Variants in CCNJL observed in about 807,000 individuals in gnomAD.
CCNJL encodes the protein cyclin J like.
Under a neutral mutation model 33.4 loss-of-function variants are expected in CCNJL, and 33 were observed. The ratio of observed to expected loss-of-function variants is 0.99; its 90% CI spans 0.75 to 1.32. The LOEUF is 1.32. Among genes scored for constraint, CCNJL ranks in the 40% most tolerant of loss-of-function variants. The pLI is 0.00. For missense variants in CCNJL, 512 were observed against 499.7 expected (o/e 1.02, Z -0.23); for synonymous variants, 227 against 220.9 (o/e 1.03, Z -0.24).
intron 3 of CCNJL, among the ~76,000 whole-genome samples, chr5:160,272,743 G>A (rs1761881324): frequency 6.6e-6 from 1 of 152,178 alleles, no homozygotes; most frequent in Admixed American, 6.5e-5. Context: ...ATCAGCTGTT[G>A]GTTGAGTTAA....
chr5:160,326,509 A>AAAT (rs1763538207), intron 1 of CCNJL, among the ~76,000 whole-genome samples: 3 of 149,060 alleles, frequency 2.0e-5, no homozygotes, highest in Non-Finnish European at 4.4e-5. Flanking sequence ...AAAAAAAAAA[A>AAAT]GCCATTATGC....
At chr5:160,321,014 CTTTCTTTCTTTCTTTCTTTCTTTCTT>C (rs1413768303) in intron 1 of CCNJL, among the ~76,000 whole-genome samples, 669 of 35,950 alleles carry the variant, frequency 0.019, 12 homozygotes, top group East Asian at 0.045. Flanking sequence ...CTCTCTCTCT[CTTTCTTTCTTTCTTTCTTTCTTTCTT>C]TCTTTCTTTC....
At position 160,253,187 on chromosome 5, in the gene CCNJL, T is replaced by C; in HGVS notation, c.*191A>G. 6.0e-6 allele frequency: 3 copies of C among 499,620 alleles called. No homozygotes were observed. Among genetic ancestry groups the C allele is most frequent in the Non-Finnish European group, 1.0e-5 (3 of 292,020 alleles). The allele number at this position is 499,620 out of a possible 1,614,324, so 30.9% of individuals were successfully genotyped here. A position where few individuals can be genotyped will look rare whatever the true frequency, so the allele number is the denominator to read the frequency against. ...ACGTGGCAGACGTTTCTCAGAGGAA[T>C]GCTCTCGGGTGAGGTATGTTATTGA... On this transcript the variant is annotated 3_prime_UTR_variant, in exon 6 of 6. Transcript: ENST00000257536.
At chr5:160,320,137 A>G (rs1188337926) in intron 1 of CCNJL, among the ~76,000 whole-genome samples, 2 of 151,936 alleles carry the variant, frequency 1.3e-5, no homozygotes, top group Non-Finnish European at 2.9e-5. Flanking sequence ...TGAGAAAACT[A>G]CTCTTTCCTT....
intron 2 of CCNJL, among the ~76,000 whole-genome samples, chr5:160,311,219 C>G (rs1763250163): frequency 6.6e-6 from 1 of 152,124 alleles, no homozygotes; most frequent in Non-Finnish European, 1.5e-5. Flanking sequence ...CCACAGGAGG[C>G]AAACCGGCAG....
intron 3 of CCNJL, among the ~76,000 whole-genome samples, chr5:160,276,860 T>A (rs1004701175): frequency 3.9e-5 from 6 of 152,154 alleles, no homozygotes. Context: ...CTCAGCTCAC[T>A]GTAACCTCTG....
chr5:160,310,212 C>T (rs1763218181), intron 2 of CCNJL, among the ~76,000 whole-genome samples: 1 of 152,168 alleles, frequency 6.6e-6, no homozygotes, highest in Non-Finnish European at 1.5e-5. Flanking sequence ...TCAGCCACCT[C>T]CTCCAGAAAA....
intron 2 of CCNJL, among the ~76,000 whole-genome samples, chr5:160,283,008 T>TATAC (rs1554120707): frequency 3.9e-3 from 207 of 52,540 alleles, no homozygotes; most frequent in African/African-American, 0.015. Context: ...TATATATATA[T>TATAC]ACATATATAT....
At chr5:160,258,365 T>C (rs1262668503) in intron 4 of CCNJL, 4 of 773,238 alleles carry the variant, frequency 5.2e-6, no homozygotes, top group African/African-American at 1.7e-5. Context: ...GATGATACAA[T>C]ATATGAGAAT....
intron 2 of CCNJL, among the ~76,000 whole-genome samples, chr5:160,310,384 G>A (rs910183005): frequency 1.2e-4 from 18 of 152,150 alleles, no homozygotes; most frequent in Admixed American, 9.2e-4. Flanking sequence ...GCCAAGCAAC[G>A]CAGGACAAAG....
intron 5 of CCNJL, 142 bp downstream of exon 5, chr5:160,255,407 T>C (rs1217160275): frequency 2.7e-5 from 18 of 678,160 alleles, no homozygotes; most frequent in Non-Finnish European, 3.8e-5. Context: ...GGAGTCACCA[T>C]GGCCCACTTT....
intron 2 of CCNJL, among the ~76,000 whole-genome samples, chr5:160,286,518 G>C (rs1290379088): frequency 6.6e-6 from 1 of 152,116 alleles, no homozygotes; most frequent in East Asian, 1.9e-4. Context: ...CACACCTGTG[G>C]TCCCAGTTAC....
chr5:160,274,396 T>A (rs1327981573), intron 3 of CCNJL, among the ~76,000 whole-genome samples: 1 of 151,534 alleles, frequency 6.6e-6, no homozygotes, highest in East Asian at 1.9e-4. Context: ...GAGGCAGAGG[T>A]TGCAATGAGC....
At chr5:160,338,730 A>G (rs2113487969) in intron 1 of CCNJL, among the ~76,000 whole-genome samples, 1 of 152,310 alleles carries the variant, frequency 6.6e-6, no homozygotes, top group Middle Eastern at 3.4e-3. Flanking sequence ...CACTTACCAT[A>G]GGGCCTGGCA....
chr5:160,283,451 C>T (rs1255864611), intron 2 of CCNJL, among the ~76,000 whole-genome samples: 5 of 152,146 alleles, frequency 3.3e-5, no homozygotes, highest in Non-Finnish European at 5.9e-5. Flanking sequence ...TGTGAATACA[C>T]AAACAACTAA....
chr5:160,261,766 G>T (rs1320462344), intron 3 of CCNJL, among the ~76,000 whole-genome samples: 1 of 152,128 alleles, frequency 6.6e-6, no homozygotes, highest in African/African-American at 2.4e-5. Context: ...GATATTAAAC[G>T]GACTTCCTAC....
intron 2 of CCNJL, among the ~76,000 whole-genome samples, chr5:160,283,588 T>A (rs1762312799): frequency 6.6e-6 from 1 of 152,160 alleles, no homozygotes; most frequent in East Asian, 1.9e-4. Context: ...GAGAATGGGG[T>A]ATCCATCCCC....
chr5:160,339,529 A>C, exon 1 of CCNJL: 1 of 452,824 alleles, frequency 2.2e-6, no homozygotes, highest in Non-Finnish European at 4.5e-6. Context: ...CATTTTCCAA[A>C]TCTTTGTCGA....
intron 1 of CCNJL, 93 bp from the exon 2 acceptor site, chr5:160,312,065 C>A (rs1232785562): frequency 1.1e-5 from 9 of 791,214 alleles, no homozygotes; most frequent in East Asian, 2.7e-5. Flanking sequence ...CCCCGGGCCC[C>A]GGCGGGCGCC....
Sources: gnomAD v4.1 joint callset for allele counts (sites outside exome capture counted in the v4.1 genomes callset) on GRCh38, gnomAD v4.1.1 for gene constraint, MANE v1.5 for transcripts, NCBI Gene and HGNC (gene_info 2026-07-23, HGNC 2026-07-21) for gene names.